CDKL2: variants seen among roughly 807,000 people sequenced by gnomAD.
The protein encoded by CDKL2 is cyclin dependent kinase like 2, also known as cyclin-dependent kinase-like 2.
Under a neutral mutation model 63.9 loss-of-function variants are expected in CDKL2, and 64 were observed. The observed-to-expected ratio is 1.00, with a 90% CI of 0.82 to 1.23. The LOEUF is 1.23. CDKL2 is among the 50% of genes most tolerant of loss of function. The pLI is 0.00. For missense variants in CDKL2, 656 were observed against 668.0 expected (o/e 0.98, Z 0.20); for synonymous variants, 211 against 229.2 (o/e 0.92, Z 0.72).
At chr4:75,596,659 T>C (rs1251404167) in intron 9 of CDKL2, among the ~76,000 whole-genome samples, 1 of 152,246 alleles carries the variant, frequency 6.6e-6, no homozygotes, top group Non-Finnish European at 1.5e-5. Context: ...TCTTTTAGTA[T>C]GACAACCTGC....
At chr4:75,625,613 G>A (rs1315104300) in intron 2 of CDKL2, among the ~76,000 whole-genome samples, 1 of 152,078 alleles carries the variant, frequency 6.6e-6, no homozygotes, top group East Asian at 1.9e-4. Context: ...ATCAAATCTG[G>A]GGTGGTCTTT....
In CDKL2 at chr4:75,595,954, GAGGAAGGAAGGAAGGAAGGAAA is replaced by G. The variant is rs1560577507; in HGVS notation, c.1416+271_1416+292del. 3.2e-5 allele frequency: 7 copies of G among 220,786 alleles called. No individual in the cohort carries two copies. The East Asian group carries it at 7.7e-4, about 24-fold the overall frequency. 13.7% of individuals were successfully genotyped at this position (220,786 alleles called of 1,614,324 possible). A position where few individuals can be genotyped will look rare whatever the true frequency, so the allele number is the denominator to read the frequency against. Reference sequence around the variant, plus strand: ...AAAAAAAAGAAAAGAAAAAGAAAGAGAGGAAGGAAGGAAGGAAGGAAAGAAGGAAGGAAGGAAGGAAGGAAGG... The same window carrying G: ...AAAAAAAAGAAAAGAAAAAGAAAGAGGAAGGAAGGAAGGAAGGAAGGAAGG... On this transcript the variant is annotated intron_variant, in intron 10 of 13. Transcript: ENST00000307465.
At chr4:75,592,347 G>A in intron 10 of CDKL2, 78 bp from the exon 11 acceptor site, 1 of 1,207,230 alleles carries the variant, frequency 8.3e-7, no homozygotes, top group African/African-American at 1.5e-5. Flanking sequence ...TAACTCCTAT[G>A]TTCATATCCT....
At chr4:75,580,775 A>G (rs1728228120) in intron 13 of CDKL2, among the ~76,000 whole-genome samples, 1 of 141,816 alleles carries the variant, frequency 7.1e-6, no homozygotes, top group African/African-American at 2.6e-5. Context: ...ATCTCGGCTC[A>G]CTGCAAGCTC....
intron 12 of CDKL2, among the ~76,000 whole-genome samples, chr4:75,583,830 A>G (rs753417307): frequency 1.6e-4 from 24 of 152,214 alleles, no homozygotes; most frequent in Non-Finnish European, 2.9e-4. Context: ...AAAAAAATAT[A>G]AAAAGATATT....
At chr4:75,596,642 A>C (rs1728946859) in intron 9 of CDKL2, among the ~76,000 whole-genome samples, 1 of 152,160 alleles carries the variant, frequency 6.6e-6, no homozygotes, top group Non-Finnish European at 1.5e-5. Flanking sequence ...GCCACTCAAA[A>C]ATTATCTCTT....
chr4:75,580,658 T>G (rs1424281730), intron 13 of CDKL2, among the ~76,000 whole-genome samples: 1 of 145,508 alleles, frequency 6.9e-6, no homozygotes, highest in Non-Finnish European at 1.5e-5. Context: ...TACAGTAAGA[T>G]CCCATCTCAA....
chr4:75,620,102 G>A (rs1730092682), intron 2 of CDKL2, among the ~76,000 whole-genome samples: 1 of 152,156 alleles, frequency 6.6e-6, no homozygotes, highest in Non-Finnish European at 1.5e-5. Flanking sequence ...GCTGAGGCAG[G>A]AGGACTGCTT....
At position 75,614,457 on chromosome 4, in the gene CDKL2, T is replaced by TA; in HGVS notation, c.169-9dup. On this transcript the variant is annotated splice_polypyrimidine_tract_variant and intron_variant, in intron 2 of 13. Coordinates refer to ENST00000307465, the MANE Select transcript of CDKL2 (RefSeq NM_001330724.2). ...GTTTTCATGCCTAAGTTGCTGTTATTAAAAAATGCAAAATAGCTGTTATTT... is the reference window on the plus strand; with the variant it reads ...GTTTTCATGCCTAAGTTGCTGTTATTAAAAAAATGCAAAATAGCTGTTATTT... 1 of 1,531,402 alleles carries TA rather than the reference T, an allele frequency of 6.5e-7. No individual in the cohort carries two copies. Among genetic ancestry groups the TA allele is most frequent in the South Asian group, 1.3e-5 (1 of 77,538 alleles). 94.9% of individuals were successfully genotyped at this position (1,531,402 alleles called of 1,614,324 possible).
At chr4:75,601,571 T>A (rs916663411) in intron 6 of CDKL2, among the ~76,000 whole-genome samples, 1 of 152,174 alleles carries the variant, frequency 6.6e-6, no homozygotes, top group Non-Finnish European at 1.5e-5. Context: ...GGAAACTAGA[T>A]GATAAGTACA....
At chr4:75,588,574 G>A (rs754208105) in intron 12 of CDKL2, among the ~76,000 whole-genome samples, 1 of 152,126 alleles carries the variant, frequency 6.6e-6, no homozygotes, top group Non-Finnish European at 1.5e-5. Context: ...CCAAACCTGG[G>A]TGTTGGATTC....
rs922086463 is a variant in CDKL2, at chr4:75,577,361, T to G, written c.*1841A>C. On this transcript the variant is annotated 3_prime_UTR_variant, in exon 14 of 14. Coordinates refer to ENST00000307465, the MANE Select transcript of CDKL2 (RefSeq NM_001330724.2). ...ATTTGCAGAATCTTTTTCTAGTAGT[T>G]CTGCCACAGTTCTAATCAGATATGA... Among the ~76,000 whole-genome samples the G allele has an allele frequency of 6.6e-6, 1 of 152,192 alleles. No individual in the cohort carries two copies. Among genetic ancestry groups the G allele is most frequent in the African/African-American group, 2.4e-5 (1 of 41,458 alleles).
chr4:75,585,746 C>G (rs1279125648), intron 12 of CDKL2, among the ~76,000 whole-genome samples: 3 of 152,092 alleles, frequency 2.0e-5, no homozygotes, highest in Non-Finnish European at 4.4e-5. Flanking sequence ...CAAAGCGAGA[C>G]TCTGTCTTGA....
rs1729020479 is a variant in CDKL2 at position 75,598,104 on chromosome 4, A to C, written c.993T>G (p.Val331=). Residue 331 remains valine, a synonymous_variant, in exon 8 of 14, where the codon GTT becomes GTG. Transcript: ENST00000307465. ...GTACCACAAGTGTTTTTCTTTCTTC[A>C]ACTAAGGAATCATCTTTTTCTTTTT... ...KKEKEKDDSL[V]EERKTLVVQD... 7 of 1,541,642 alleles carry C rather than the reference A, an allele frequency of 4.5e-6. No homozygotes were observed. In the South Asian group the frequency reaches 8.8e-5, roughly 19 times the overall value.
At chr4:75,603,247 G>T in intron 6 of CDKL2, among the ~76,000 whole-genome samples, 1 of 149,080 alleles carries the variant, frequency 6.7e-6, no homozygotes, top group East Asian at 2.0e-4. Context: ...TGATCCACCC[G>T]CCTCGGCCTC....
Position 75,591,847 on chromosome 4 carries a change from A to G in CDKL2, c.1619T>C (p.Leu540Pro). 6.5e-7 allele frequency: 1 copy of G among 1,535,760 alleles called. No individual in the cohort carries two copies. Among genetic ancestry groups the G allele is most frequent in the South Asian group, 1.2e-5 (1 of 84,044 alleles). ...SRIPSLAAID[L>P]HTPSITLHQV... is the part of the protein sequence containing the mutation. ...ATGTAATGTAATACTGGGGGTGTGC[A>G]GGTCAATAGCAGCCAGAGAAGGAAT... Residue 540 changes from leucine to proline, a missense_variant, in exon 12 of 14, where the codon CTG becomes CCG. Transcript: ENST00000307465.
At chr4:75,606,158 G>GGTGGCT (rs1443039745) in intron 4 of CDKL2, among the ~76,000 whole-genome samples, 10 of 152,032 alleles carry the variant, frequency 6.6e-5, no homozygotes, top group Non-Finnish European at 1.3e-4. Flanking sequence ...AGAAAGAGGA[G>GGTGGCT]GTGGCTGCTA....
intron 3 of CDKL2, among the ~76,000 whole-genome samples, chr4:75,611,313 G>C (rs1729681037): frequency 6.6e-6 from 1 of 152,026 alleles, no homozygotes. Flanking sequence ...ACAAAAATTA[G>C]CCAGGCATGG....
Position 75,597,044 on chromosome 4 carries a change from T to C in CDKL2, c.1213A>G (p.Thr405Ala). The C allele has an allele frequency of 6.2e-7, 1 of 1,614,198 alleles. No homozygotes were observed. ...KDCSNVSVDH[T>A]RNPSVAIPPL... ...GGAATTGCCACGCTTGGATTCCTTG[T>C]GTGGTCCACGCTGACATTGCTGCAG... The change falls in exon 9 of 14, where the codon ACA (threonine) becomes GCA (alanine). Residue 405 changes from threonine (T) to alanine (A), a missense_variant. Physicochemically the swap from Thr to Ala is moderately conservative, Grantham distance 58. Coordinates refer to ENST00000307465, the MANE Select transcript of CDKL2 (RefSeq NM_001330724.2).
Sources: allele counts gnomAD v4.1 joint callset (sites outside exome capture counted in the v4.1 genomes callset), GRCh38; gene constraint gnomAD v4.1.1; transcripts MANE v1.5; gene names NCBI Gene and HGNC (gene_info 2026-07-23, HGNC 2026-07-21).